Variants in STXBP5L observed in about 807,000 individuals in gnomAD.
STXBP5L encodes the protein syntaxin binding protein 5L.
Under a neutral mutation model 144.5 loss-of-function variants are expected in STXBP5L, and 65 were observed. The ratio of observed to expected loss-of-function variants is 0.45; its 90% CI spans 0.37 to 0.55. The LOEUF is 0.55. Ranked by LOEUF, STXBP5L falls within the 20% of genes least tolerant of loss-of-function variation. The pLI, the probability that STXBP5L is intolerant of heterozygous loss-of-function variation, is 0.00. For missense variants in STXBP5L, 1,298 were observed against 1,405.5 expected (o/e 0.92, Z 1.22); for synonymous variants, 505 against 469.6 (o/e 1.08, Z -0.97).
At chr3:121,279,553 C>A (rs1036810626) in intron 18 of STXBP5L, among the ~76,000 whole-genome samples, 1 of 151,808 alleles carries the variant, frequency 6.6e-6, no homozygotes, top group Non-Finnish European at 1.5e-5. Context: ...TGGGTAATCA[C>A]GACTTACATG....
intron 9 of STXBP5L, among the ~76,000 whole-genome samples, chr3:121,191,971 A>G (rs949588393): frequency 2.0e-5 from 3 of 152,134 alleles, no homozygotes; most frequent in Non-Finnish European, 4.4e-5. Flanking sequence ...GGGGAGGGAT[A>G]GCATTGGGAG....
intron 23 of STXBP5L, among the ~76,000 whole-genome samples, chr3:121,412,184 T>C (rs1402507293): frequency 1.3e-5 from 2 of 152,092 alleles, no homozygotes; most frequent in Non-Finnish European, 2.9e-5. Flanking sequence ...TAAAGTTTGA[T>C]GGAGAGAAAA....
intron 9 of STXBP5L, among the ~76,000 whole-genome samples, chr3:121,185,486 T>G (rs189993511): frequency 3.7e-4 from 57 of 152,286 alleles, no homozygotes; most frequent in African/African-American, 9.4e-4. Context: ...AAGGTGTAAG[T>G]AAGGGATCCA....
At chr3:121,251,606 G>C (rs1329035302) in intron 15 of STXBP5L, among the ~76,000 whole-genome samples, 1 of 152,186 alleles carries the variant, frequency 6.6e-6, no homozygotes, top group Non-Finnish European at 1.5e-5. Flanking sequence ...AGGAATAAAA[G>C]AGAGCTTTGA....
intron 15 of STXBP5L, among the ~76,000 whole-genome samples, chr3:121,252,310 G>A (rs1038299650): frequency 3.3e-5 from 5 of 150,646 alleles, no homozygotes; most frequent in Admixed American, 2.6e-4. Flanking sequence ...AGGTTGCAGT[G>A]AGCCGAGATC....
In STXBP5L at chr3:121,419,916, G is replaced by T. The variant is rs1156311703; in HGVS notation, c.*819G>T. ...CTGGCTTGTACTCTATAGGGGAGTTGGTAGTAGGTGTGGGGAATCTATAGG... is the reference window on the plus strand; with the variant it reads ...CTGGCTTGTACTCTATAGGGGAGTTTGTAGTAGGTGTGGGGAATCTATAGG... On this transcript the variant is annotated 3_prime_UTR_variant, in exon 27 of 27. Transcript: ENST00000471454. 2 of 152,138 alleles carry T rather than the reference G, an allele frequency of 1.3e-5. No individual in the cohort carries two copies. The highest frequency in any genetic ancestry group is 2.9e-5 in the Non-Finnish European group (2 of 68,002). The allele number at this position is 152,138 out of a possible 1,614,324, so 9.4% of individuals were successfully genotyped here. A position where few individuals can be genotyped will look rare whatever the true frequency, so the allele number is the denominator to read the frequency against.
At chr3:120,980,365 G>T (rs1941622197) in intron 3 of STXBP5L, among the ~76,000 whole-genome samples, 1 of 151,506 alleles carries the variant, frequency 6.6e-6, no homozygotes, top group Non-Finnish European at 1.5e-5. Flanking sequence ...TCTTAGTTCT[G>T]GTAGTGTTTG....
At chr3:121,342,350 T>A (rs2044744973) in intron 20 of STXBP5L, among the ~76,000 whole-genome samples, 2 of 152,096 alleles carry the variant, frequency 1.3e-5, no homozygotes, top group Non-Finnish European at 2.9e-5. Context: ...AATACTATTT[T>A]TTTATTATTA....
intron 11 of STXBP5L, among the ~76,000 whole-genome samples, chr3:121,225,557 G>A (rs2049096826): frequency 6.6e-6 from 1 of 152,050 alleles, no homozygotes; most frequent in African/African-American, 2.4e-5. Context: ...AGTCCTAATT[G>A]GAAGGGGATC....
At chr3:121,313,489 G>T (rs1312750777) in intron 19 of STXBP5L, among the ~76,000 whole-genome samples, 2 of 65,620 alleles carry the variant, frequency 3.0e-5, no homozygotes, top group Admixed American at 1.7e-4. Flanking sequence ...GGGCAGAGGG[G>T]CTCCTCACTT....
intron 20 of STXBP5L, among the ~76,000 whole-genome samples, chr3:121,365,878 A>AT (rs1360081299): frequency 4.0e-5 from 6 of 150,138 alleles, no homozygotes; most frequent in Non-Finnish European, 8.9e-5. Flanking sequence ...GATTTTTCTT[A>AT]TTTTTTATTA....
intron 14 of STXBP5L, 35 bp downstream of exon 14, chr3:121,240,542 C>T (rs377696046): frequency 8.8e-6 from 14 of 1,586,874 alleles, no homozygotes; most frequent in Non-Finnish European, 1.0e-5. Flanking sequence ...ATTAGTTCAT[C>T]AACAAAAAGA....
In STXBP5L at chr3:121,257,212, C is replaced by G. The variant is rs778035269; in HGVS notation, c.1711C>G (p.Pro571Ala). The G allele has an allele frequency of 1.1e-5, 17 of 1,613,686 alleles. No individual in the cohort carries two copies. The South Asian group carries it at 1.8e-4, about 17-fold the overall frequency. The part of the protein sequence containing the change: ...YDVEDIITPE[P>A]ETSPPFPDLS... Reference sequence around the variant, plus strand: ...TGTTGAAGATATTATTACCCCTGAACCAGAAACAAGTCCTCCGTTTCCAGA... The same window carrying G: ...TGTTGAAGATATTATTACCCCTGAAGCAGAAACAAGTCCTCCGTTTCCAGA... The change falls in exon 17 of 27, where the codon CCA (proline) becomes GCA (alanine). Residue 571 changes from proline (P) to alanine (A), a missense_variant. By Grantham distance (27) the Pro-to-Ala change is conservative (BLOSUM62 -1). Coordinates refer to ENST00000471454, the MANE Select transcript of STXBP5L (RefSeq NM_001308330.2).
intron 11 of STXBP5L, among the ~76,000 whole-genome samples, chr3:121,230,086 C>G (rs961310264): frequency 2.6e-5 from 4 of 152,108 alleles, no homozygotes; most frequent in Non-Finnish European, 4.4e-5. Flanking sequence ...AAATTTATAG[C>G]TATTTATCCC....
chr3:121,243,250 T>G (rs973753260), intron 14 of STXBP5L, among the ~76,000 whole-genome samples: 8 of 152,146 alleles, frequency 5.3e-5, no homozygotes, highest in Non-Finnish European at 8.8e-5. Flanking sequence ...TTTCAGTGGC[T>G]TGTAGCATCA....
chr3:120,976,988 G>A (rs529497117), intron 3 of STXBP5L, among the ~76,000 whole-genome samples: 53 of 152,204 alleles, frequency 3.5e-4, no homozygotes, highest in African/African-American at 1.2e-3. Context: ...TTTGGAATAG[G>A]TGTGGTGTGG....
chr3:121,048,937 A>G (rs1184571129), intron 5 of STXBP5L, among the ~76,000 whole-genome samples: 2 of 152,132 alleles, frequency 1.3e-5, no homozygotes, highest in African/African-American at 2.4e-5. Context: ...AGAGGTTTGT[A>G]TCGGTCCCCA....
In STXBP5L at chr3:121,223,147, C is replaced by T. The variant is rs1474697006; in HGVS notation, c.1101C>T (p.Pro367=). The change falls in exon 11 of 27, where the codon CCC becomes CCT. Residue 367 remains proline (P), a synonymous_variant. Transcript: ENST00000471454. ...AATTTCTAACTTTATGTGAAACGCC[C>T]TATCCAAATGGTAAGTAACTAAAAT... ...IVEFLTLCET[P]YPNEFQEPYA... 1 of 1,594,716 alleles carries T rather than the reference C, an allele frequency of 6.3e-7. No individual in the cohort carries two copies. Among genetic ancestry groups the T allele is most frequent in the South Asian group, 1.1e-5 (1 of 86,964 alleles).
intron 23 of STXBP5L, among the ~76,000 whole-genome samples, chr3:121,407,968 T>C (rs1306181718): frequency 6.6e-6 from 1 of 152,002 alleles, no homozygotes; most frequent in East Asian, 1.9e-4. Flanking sequence ...AGAAAAGAAG[T>C]TAACTTTTAC....
Sources: allele counts gnomAD v4.1 joint callset (sites outside exome capture counted in the v4.1 genomes callset), GRCh38; gene constraint gnomAD v4.1.1; transcripts MANE v1.5; gene names NCBI Gene and HGNC (gene_info 2026-07-23, HGNC 2026-07-21).